Variants in ACTR10 observed in about 807,000 individuals in gnomAD.
The protein encoded by ACTR10 is actin-related protein 10.
Under a neutral mutation model 56.2 loss-of-function variants are expected in ACTR10, and 43 were observed. The observed-to-expected ratio is 0.77, with a 90% CI of 0.60 to 0.99. ACTR10 has a LOEUF of 0.99. Ranked by LOEUF, ACTR10 falls within the 50% of genes least tolerant of loss-of-function variation. The pLI, the probability that ACTR10 is intolerant of heterozygous loss-of-function variation, is 0.00. For missense variants in ACTR10, 466 were observed against 507.8 expected (o/e 0.92, Z 0.79); for synonymous variants, 170 against 176.3 (o/e 0.96, Z 0.28).
In ACTR10 at chr14:58,232,777, G is replaced by A. The variant is rs555537953; in HGVS notation, c.1072+510G>A. Among the ~76,000 whole-genome samples the A allele has an allele frequency of 1.3e-4, 19 of 151,758 alleles. 1 individual carries two copies. In the South Asian group the frequency reaches 1.9e-3, roughly 15 times the overall value. On this transcript the variant is annotated intron_variant, in intron 12 of 12. Coordinates refer to ENST00000254286, the MANE Select transcript of ACTR10 (RefSeq NM_018477.3). ...ACCTATTTCTCTTGGCATTTGCACCGTGATATTAAGTAAACGTTCTCATTT... is the reference window on the plus strand; with the variant it reads ...ACCTATTTCTCTTGGCATTTGCACCATGATATTAAGTAAACGTTCTCATTT...
rs370023653 is a variant in ACTR10 at position 58,233,818 on chromosome 14, AAATG to A, written c.1073-547_1073-544del. Among the ~76,000 whole-genome samples, 472 of 152,360 alleles carry A rather than the reference AAATG, an allele frequency of 3.1e-3. 1 individual carries two copies. Among genetic ancestry groups the A allele is most frequent in the African/African-American group, 0.011 (450 of 41,586 alleles). ...AGAGAAAGAGTAGTATGACATTTTA[AAATG>A]AATGTTACATTATTTCTTGTAAAAT... On this transcript the variant is annotated intron_variant, in intron 12 of 12. Transcript: ENST00000254286.
intron 12 of ACTR10, 140 bp downstream of exon 12, chr14:58,232,407 T>A: frequency 1.8e-4 from 30 of 170,194 alleles, no homozygotes; most frequent in Middle Eastern, 1.8e-3. Flanking sequence ...ACTTTTTCTT[T>A]TTTTTTTTTT....
chr14:58,204,542 C>A (rs1888809265), intron 2 of ACTR10, among the ~76,000 whole-genome samples: 1 of 152,050 alleles, frequency 6.6e-6, no homozygotes, highest in Non-Finnish European at 1.5e-5. Context: ...CAGAGTGAGA[C>A]CCTGTCTCAA....
At chr14:58,221,558 C>G (rs1889269946) in intron 8 of ACTR10, among the ~76,000 whole-genome samples, 1 of 152,060 alleles carries the variant, frequency 6.6e-6, no homozygotes, top group Admixed American at 6.6e-5. Context: ...CAAGTTCAGA[C>G]CACTGCACTC....
intron 7 of ACTR10, among the ~76,000 whole-genome samples, chr14:58,216,000 C>T (rs1317400386): frequency 6.0e-5 from 9 of 149,226 alleles, no homozygotes; most frequent in Admixed American, 5.4e-4. Context: ...TAACCTTCCA[C>T]ACCATTGAAC....
In ACTR10 at chr14:58,232,300, T is replaced by C. The variant is rs371546311; in HGVS notation, c.1072+33T>C. 3.9e-6 allele frequency: 6 copies of C among 1,558,412 alleles called. No individual in the cohort carries two copies. In the African/African-American group the frequency reaches 6.8e-5, roughly 18 times the overall value. ...TTTCACTTTTAAAATATAATGATTA[T>C]ATAGTATTTGGTCTCTGAATGACAC... On this transcript the variant is annotated intron_variant, in intron 12 of 12. Coordinates refer to ENST00000254286, the MANE Select transcript of ACTR10 (RefSeq NM_018477.3).
intron 5 of ACTR10, chr14:58,213,375 G>A (rs1889048066): frequency 6.6e-6 from 2 of 304,522 alleles, no homozygotes; most frequent in African/African-American, 4.3e-5. Flanking sequence ...AGGCCTAGTG[G>A]CTACTTTATC....
chr14:58,230,519 G>A, intron 11 of ACTR10, 39 bp downstream of exon 11: 1 of 1,068,580 alleles, frequency 9.4e-7, no homozygotes, highest in Non-Finnish European at 1.3e-6. Flanking sequence ...TATTACCACA[G>A]TCCTTTAAAT....
chr14:58,200,421 C>G, intron 1 of ACTR10, 127 bp downstream of exon 1: 1 of 649,044 alleles, frequency 1.5e-6, no homozygotes, highest in Non-Finnish European at 2.3e-6. Context: ...CTTCAACCAG[C>G]GCCCTTGCAA....
chr14:58,221,735 T>G (rs1889275319), intron 8 of ACTR10, among the ~76,000 whole-genome samples: 1 of 152,058 alleles, frequency 6.6e-6, no homozygotes, highest in South Asian at 2.1e-4. Context: ...AGTGAAACTC[T>G]GTCTCAAAAA....
chr14:58,216,019 G>A (rs532419526), intron 7 of ACTR10, among the ~76,000 whole-genome samples: 1 of 147,356 alleles, frequency 6.8e-6, no homozygotes, highest in South Asian at 2.1e-4. Flanking sequence ...ACACCCGAGA[G>A]CAAAGACATT....
rs767082639 is a variant in ACTR10 at position 58,202,947 on chromosome 14, A to G, written c.150+20A>G. Reference sequence around the variant, plus strand: ...CCTAAGGTATTTAAAAAAAAATATTAGCAAAATAAATGCCATACTATAAAA... The same window carrying G: ...CCTAAGGTATTTAAAAAAAAATATTGGCAAAATAAATGCCATACTATAAAA... On this transcript the variant is annotated intron_variant, in intron 2 of 12. Coordinates refer to ENST00000254286, the MANE Select transcript of ACTR10 (RefSeq NM_018477.3). The G allele has an allele frequency of 2.8e-6, 4 of 1,432,122 alleles. No homozygotes were observed. In the South Asian group the frequency reaches 4.7e-5, roughly 17 times the overall value. 88.7% of individuals were successfully genotyped at this position (1,432,122 alleles called of 1,614,324 possible). A position where few individuals can be genotyped will look rare whatever the true frequency, so the allele number is the denominator to read the frequency against.
At chr14:58,219,449 T>A (rs1314960843) in intron 7 of ACTR10, 50 of 335,760 alleles carry the variant, frequency 1.5e-4, no homozygotes, top group Non-Finnish European at 5.4e-5. Flanking sequence ...CTATTTATTA[T>A]CACCAGAAAG....
At chr14:58,202,728 A>G (rs568949109) in intron 1 of ACTR10, 127 bp from the exon 2 acceptor site, 2 of 617,244 alleles carry the variant, frequency 3.2e-6, no homozygotes, top group African/African-American at 1.9e-5. Context: ...TGATCCCTTA[A>G]AATACATCAG....
intron 7 of ACTR10, among the ~76,000 whole-genome samples, chr14:58,217,715 T>C (rs116056370): frequency 0.018 from 2,756 of 152,196 alleles, 87 homozygotes; most frequent in African/African-American, 0.063. Context: ...AAATGTCTCT[T>C]TTCCAGGTTC....
At chr14:58,223,460 A>G in intron 8 of ACTR10, 162 bp from the exon 9 acceptor site, 2 of 682,400 alleles carry the variant, frequency 2.9e-6, no homozygotes, top group Non-Finnish European at 4.9e-6. Context: ...TTAATGAACA[A>G]ATTATTGTTA....
chr14:58,231,673 GA>G (rs570972374), intron 11 of ACTR10, among the ~76,000 whole-genome samples: 1 of 152,136 alleles, frequency 6.6e-6, no homozygotes, highest in South Asian at 2.1e-4. Context: ...ATACACCTTA[GA>G]AAAATTAAAT....
chr14:58,204,081 G>A (rs1429832305), intron 2 of ACTR10, among the ~76,000 whole-genome samples: 1 of 151,892 alleles, frequency 6.6e-6, no homozygotes, highest in African/African-American at 2.4e-5. Context: ...CTGTCTTAGG[G>A]AATATTAAAA....
At chr14:58,223,080 T>A (rs954739119) in intron 8 of ACTR10, among the ~76,000 whole-genome samples, 2 of 152,278 alleles carry the variant, frequency 1.3e-5, no homozygotes, top group Non-Finnish European at 1.5e-5. Flanking sequence ...ATGTACAACA[T>A]GTTTTATGAC....
Sources: gnomAD v4.1 joint callset for allele counts (sites outside exome capture counted in the v4.1 genomes callset) on GRCh38, gnomAD v4.1.1 for gene constraint, MANE v1.5 for transcripts, NCBI Gene and HGNC (gene_info 2026-07-23, HGNC 2026-07-21) for gene names.